Variants in KIAA1671 observed in about 807,000 individuals in gnomAD.
KIAA1671 encodes the protein uncharacterized protein KIAA1671.
In KIAA1671, 52 loss-of-function variants were observed where a neutral mutation model predicts 131.2. That is an observed-to-expected ratio of 0.40 (90% confidence interval 0.32 to 0.50). The LOEUF (loss-of-function observed/expected upper bound fraction) is 0.50. Ranked by LOEUF, KIAA1671 falls within the 20% of genes least tolerant of loss-of-function variation. KIAA1671 has a pLI of 0.73. For missense variants in KIAA1671, 2,360 were observed against 2,364.2 expected (o/e 1.00, Z 0.04); for synonymous variants, 1,003 against 961.6 (o/e 1.04, Z -0.80).
At chr22:25,156,012 C>CT (rs57822676) in intron 6 of KIAA1671, among the ~76,000 whole-genome samples, 2,892 of 35,292 alleles carry the variant, frequency 0.082, 1,252 homozygotes, top group Non-Finnish European at 0.13. Context: ...TGTGTATGTG[C>CT]TTTTTTTTTT....
chr22:25,127,909 C>T (rs5760866), intron 6 of KIAA1671, among the ~76,000 whole-genome samples: 103,548 of 152,052 alleles, frequency 0.68, 35,484 homozygotes, highest in South Asian at 0.73. Context: ...TGTGGTGAAG[C>T]GGCTGCTGTG....
At chr22:24,999,691 T>C (rs1399094089) in intron 1 of KIAA1671, among the ~76,000 whole-genome samples, 1 of 148,980 alleles carries the variant, frequency 6.7e-6, no homozygotes. Context: ...GCCTCCCAAG[T>C]AGCTGGGACT....
At chr22:25,122,104 C>A (rs937300968) in intron 6 of KIAA1671, among the ~76,000 whole-genome samples, 1 of 152,108 alleles carries the variant, frequency 6.6e-6, no homozygotes, top group African/African-American at 2.4e-5. Flanking sequence ...ATATTATTCC[C>A]CCACAATTGC....
intron 8 of KIAA1671, 192 bp downstream of exon 8, chr22:25,174,681 A>G: frequency 1.8e-6 from 1 of 563,100 alleles, no homozygotes. Context: ...CTTGGGGCAA[A>G]TGTCTTCACC....
At chr22:24,978,761 A>G (rs937521792) in intron 1 of KIAA1671, among the ~76,000 whole-genome samples, 2 of 151,700 alleles carry the variant, frequency 1.3e-5, no homozygotes, top group African/African-American at 2.4e-5. Flanking sequence ...TTGGCTCACT[A>G]CAGCCTCCGC....
intron 1 of KIAA1671, among the ~76,000 whole-genome samples, chr22:24,979,773 C>T (rs2123827513): frequency 6.6e-6 from 1 of 152,228 alleles, no homozygotes; most frequent in Non-Finnish European, 1.5e-5. Context: ...TACTCATGAA[C>T]AACGCCCCAT....
intron 9 of KIAA1671, among the ~76,000 whole-genome samples, chr22:25,178,522 G>C (rs575525910): frequency 1.3e-5 from 2 of 152,268 alleles, no homozygotes; most frequent in African/African-American, 4.8e-5. Context: ...GAGGGGCGGC[G>C]GGGCTGTCCC....
intron 1 of KIAA1671, among the ~76,000 whole-genome samples, chr22:24,993,069 G>T (rs554106164): frequency 3.4e-4 from 51 of 151,916 alleles, no homozygotes; most frequent in Non-Finnish European, 7.4e-4. Context: ...TCTCGAAGCC[G>T]CCCTCTCTGC....
In KIAA1671 at chr22:25,185,007, A is replaced by G. The variant is rs561198825; in HGVS notation, c.5230A>G (p.Ser1744Gly). The G allele has an allele frequency of 2.4e-5, 37 of 1,551,652 alleles. No homozygotes were observed. The African/African-American group carries it at 2.6e-4, about 11-fold the overall frequency. Residue 1744 changes from serine (S) to glycine (G), a missense_variant, in exon 11 of 13, where the codon AGT becomes GGT. Ser to Gly is a moderately conservative substitution (Grantham distance 56). Around this residue, in one of 3 missense-constraint regions of KIAA1671, gnomAD observed 1,161 missense variants for 1,204.7 expected, o/e 0.96. Coordinates refer to ENST00000358431, the MANE Select transcript of KIAA1671 (RefSeq NM_001145206.2). The stretch of plus-strand genomic sequence containing the variant: ...GCTGCACAAGAGGCCAGAGGTGGAC[A>G]GTCCTGGCGAGACCCCCAGCTGGGC... ...AQLHKRPEVD[S>G]PGETPSWAPQ...
At position 25,179,238 on chromosome 22, in the gene KIAA1671, A is replaced by G. The variant is rs1934168972; in HGVS notation, c.5074+1716A>G. 3.3e-5 allele frequency: 48 copies of G among 1,465,442 alleles called. No individual in the cohort carries two copies. The South Asian group carries it at 5.0e-4, about 15-fold the overall frequency. 90.8% of individuals were successfully genotyped at this position (1,465,442 alleles called of 1,614,324 possible). Reference sequence around the variant, plus strand: ...GGAGGAACAAAAGTTGCATCTAGACAGAGGTGAACGAAACAAAACCAAAAC... The same window carrying G: ...GGAGGAACAAAAGTTGCATCTAGACGGAGGTGAACGAAACAAAACCAAAAC... On this transcript the variant is annotated intron_variant, in intron 9 of 12. Coordinates refer to ENST00000358431, the MANE Select transcript of KIAA1671 (RefSeq NM_001145206.2).
chr22:24,980,140 A>G (rs1440822959), intron 1 of KIAA1671, among the ~76,000 whole-genome samples: 5 of 151,622 alleles, frequency 3.3e-5, no homozygotes, highest in African/African-American at 1.2e-4. Context: ...ATAATATTCC[A>G]TTGTATGGCT....
At chr22:25,115,582 C>T (rs555753124) in intron 6 of KIAA1671, among the ~76,000 whole-genome samples, 1 of 152,204 alleles carries the variant, frequency 6.6e-6, no homozygotes, top group South Asian at 2.1e-4. Flanking sequence ...TTCCACGTTG[C>T]TTTTTGGGGG....
Position 25,099,537 on chromosome 22 carries a change from GTTTTTTTGT to G in KIAA1671, c.4530+50181_4530+50189del, listed in dbSNP as rs1438328986. Among the ~76,000 whole-genome samples the G allele has an allele frequency of 4.5e-5, 5 of 112,112 alleles. 1 individual carries two copies. Among genetic ancestry groups the G allele is most frequent in the Non-Finnish European group, 8.7e-5 (5 of 57,624 alleles). 73.5% of individuals were successfully genotyped at this position (112,112 alleles called of 152,430 possible). A position where few individuals can be genotyped will look rare whatever the true frequency, so the allele number is the denominator to read the frequency against. ...TATAAGTTTGTCTTTCAAAATGTGG[GTTTTTTTGT>G]TTTTTTTTTTTTTTTTTTTTTTTTT... On this transcript the variant is annotated intron_variant, in intron 6 of 12. Transcript: ENST00000358431.
At chr22:25,046,637 T>A (rs1342466839) in intron 5 of KIAA1671, among the ~76,000 whole-genome samples, 1 of 152,250 alleles carries the variant, frequency 6.6e-6, no homozygotes, top group Non-Finnish European at 1.5e-5. Flanking sequence ...TAATCACTTT[T>A]ATTCCTTTTT....
At chr22:25,105,822 G>GA (rs58164737) in intron 6 of KIAA1671, among the ~76,000 whole-genome samples, 5 of 75,062 alleles carry the variant, frequency 6.7e-5, no homozygotes, top group Non-Finnish European at 1.4e-4. Flanking sequence ...ATGAAGTTGG[G>GA]GGGGGGGGGT....
chr22:25,189,063 G>A (rs1021177950), intron 11 of KIAA1671, among the ~76,000 whole-genome samples: 2 of 152,042 alleles, frequency 1.3e-5, no homozygotes, highest in African/African-American at 4.8e-5. Context: ...AGCAGGCTGG[G>A]GATGTGAGGA....
chr22:25,037,920 A>G (rs1180099134), intron 4 of KIAA1671, among the ~76,000 whole-genome samples: 2 of 151,866 alleles, frequency 1.3e-5, no homozygotes, highest in African/African-American at 2.4e-5. Flanking sequence ...GCTCACTGCA[A>G]TCTCCGCCCT....
In KIAA1671 at chr22:25,028,496, A is replaced by C. The variant is rs1336479422; in HGVS notation, c.497A>C (p.Glu166Ala). Residue 166 changes from glutamate (E) to alanine (A), a missense_variant, in exon 3 of 13, where the codon GAG (glutamate) becomes GCG (alanine). Physicochemically the swap from Glu to Ala is moderately radical, Grantham distance 107. This residue lies in a region of KIAA1671 where 1,185 missense variants were observed against 1,126.2 expected (regional missense o/e 1.05). Coordinates refer to ENST00000358431, the MANE Select transcript of KIAA1671 (RefSeq NM_001145206.2). ...AAGGCGGTTAGTGAGGGGGCGGAGG[A>C]GGCCAAGCTAGGTGTGTCCGGCTCC... ...LGKAVSEGAE[E>A]AKLGVSGSRP... The C allele has an allele frequency of 5.2e-6, 8 of 1,549,208 alleles. No individual in the cohort carries two copies. In the East Asian group the frequency reaches 9.8e-5, roughly 19 times the overall value.
intron 6 of KIAA1671, among the ~76,000 whole-genome samples, chr22:25,098,583 G>A (rs995064002): frequency 2.0e-5 from 3 of 149,272 alleles, no homozygotes; most frequent in Admixed American, 6.7e-5. Flanking sequence ...TCAAGGCTGC[G>A]TAGGATCTGC....
Sources: gnomAD v4.1 joint callset for allele counts (sites outside exome capture counted in the v4.1 genomes callset) on GRCh38, gnomAD v4.1.1 for gene constraint, gnomAD v4.1.1 regional missense constraint, MANE v1.5 for transcripts, NCBI Gene and HGNC (gene_info 2026-07-23, HGNC 2026-07-21) for gene names.